The following ASTN2 variants were observed in gnomAD, a reference collection of about 807,000 sequenced individuals.
The protein encoded by ASTN2 is astrotactin 2, also known as astrotactin-2.
In ASTN2, 54 loss-of-function variants were observed where a neutral mutation model predicts 139.8. The ratio of observed to expected loss-of-function variants is 0.39; its 90% CI spans 0.31 to 0.48. The LOEUF (loss-of-function observed/expected upper bound fraction) is 0.48, where lower values mean the gene tolerates loss of function less well. Ranked by LOEUF, ASTN2 falls within the 20% of genes least tolerant of loss-of-function variation. The probability of loss-of-function intolerance (pLI) is 0.95; values close to 1 mark genes in which losing one functional copy is unlikely to be tolerated. For synonymous variants in ASTN2, 756 were observed against 719.5 expected (o/e 1.05, Z -0.81); for missense variants, 1,565 against 1,725.1 (o/e 0.91, Z 1.64).
At chr9:116,984,733 G>T (rs1183396820) in intron 7 of ASTN2, among the ~76,000 whole-genome samples, 1 of 152,136 alleles carries the variant, frequency 6.6e-6, no homozygotes, top group Non-Finnish European at 1.5e-5. Context: ...ATGTCATCAG[G>T]GGATACATTT....
chr9:116,674,551 C>T (rs1162746521), intron 16 of ASTN2, among the ~76,000 whole-genome samples: 7 of 152,204 alleles, frequency 4.6e-5, no homozygotes, highest in African/African-American at 1.7e-4. Context: ...ATAAACTTCC[C>T]CACATTCCCT....
chr9:116,933,731 T>C (rs1311694610), intron 10 of ASTN2, among the ~76,000 whole-genome samples: 1 of 151,906 alleles, frequency 6.6e-6, no homozygotes, highest in Non-Finnish European at 1.5e-5. Context: ...ATACCAATTA[T>C]GCTGGAACCC....
chr9:116,566,209 T>C (rs116272534), intron 19 of ASTN2, among the ~76,000 whole-genome samples: 409 of 152,338 alleles, frequency 2.7e-3, no homozygotes, highest in African/African-American at 9.6e-3. Context: ...GTATCTCATG[T>C]TGAATCAATG....
intron 13 of ASTN2, among the ~76,000 whole-genome samples, chr9:116,735,372 C>G (rs938357760): frequency 5.9e-5 from 9 of 152,216 alleles, no homozygotes; most frequent in Non-Finnish European, 1.5e-5. Context: ...GGAAGTACCA[C>G]CACATAGCAT....
At chr9:116,893,401 A>G (rs187964756) in intron 10 of ASTN2, among the ~76,000 whole-genome samples, 229 of 152,282 alleles carry the variant, frequency 1.5e-3, no homozygotes, top group African/African-American at 5.3e-3. Context: ...CCTGATGGGA[A>G]GCTCAGCAGG....
intron 19 of ASTN2, among the ~76,000 whole-genome samples, chr9:116,525,348 C>T (rs1289349864): frequency 6.6e-6 from 1 of 152,154 alleles, no homozygotes; most frequent in Admixed American, 6.5e-5. Flanking sequence ...AGATCATGCT[C>T]CTTCTTGGGG....
At chr9:116,991,482 C>T (rs1402763370) in intron 7 of ASTN2, among the ~76,000 whole-genome samples, 3 of 151,892 alleles carry the variant, frequency 2.0e-5, no homozygotes, top group Non-Finnish European at 4.4e-5. Flanking sequence ...TTCAATAATT[C>T]CCATATGTTG....
chr9:117,008,584 G>C lies in ASTN2; in HGVS notation c.1424-325C>G, dbSNP rs1047951194. On this transcript the variant is annotated intron_variant, in intron 6 of 22. Coordinates refer to ENST00000313400, the MANE Select transcript of ASTN2 (RefSeq NM_001365068.1). ...CCCCTGGGTCTTGGTTACTTCCTCT[G>C]TAAAGGAGAATATTAATGGAATGTA... Among the ~76,000 whole-genome samples the C allele has an allele frequency of 1.3e-4, 20 of 152,278 alleles. No individual in the cohort carries two copies. The South Asian group carries it at 2.5e-3, about 19-fold the overall frequency.
intron 13 of ASTN2, among the ~76,000 whole-genome samples, chr9:116,775,064 A>G (rs1830045356): frequency 6.6e-6 from 1 of 152,160 alleles, no homozygotes; most frequent in Non-Finnish European, 1.5e-5. Flanking sequence ...GACCATGAGC[A>G]GGTAATAGAA....
chr9:116,680,948 C>T (rs964597784), intron 16 of ASTN2, among the ~76,000 whole-genome samples: 1 of 152,190 alleles, frequency 6.6e-6, no homozygotes, highest in African/African-American at 2.4e-5. Flanking sequence ...GAAGCATTCC[C>T]TTTGAAAACT....
At chr9:116,818,713 C>T (rs1831404190) in intron 12 of ASTN2, among the ~76,000 whole-genome samples, 1 of 152,182 alleles carries the variant, frequency 6.6e-6, no homozygotes, top group South Asian at 2.1e-4. Context: ...TAATTCTGTG[C>T]AGGACATTGT....
At chr9:116,506,640 T>C (rs1587901034) in intron 19 of ASTN2, among the ~76,000 whole-genome samples, 1 of 152,080 alleles carries the variant, frequency 6.6e-6, no homozygotes, top group Admixed American at 6.5e-5. Context: ...AGAGAGAATG[T>C]GGGAGGAGGG....
chr9:116,952,948 CA>C, intron 10 of ASTN2, among the ~76,000 whole-genome samples: 1 of 152,282 alleles, frequency 6.6e-6, no homozygotes, highest in South Asian at 2.1e-4. Flanking sequence ...GACAGGGATC[CA>C]GGTGGCCCGT....
intron 11 of ASTN2, among the ~76,000 whole-genome samples, chr9:116,832,509 G>A (rs1020151758): frequency 4.0e-5 from 6 of 151,800 alleles, no homozygotes; most frequent in Non-Finnish European, 7.4e-5. Flanking sequence ...GATGTTCTTC[G>A]TCAAGTTGAG....
At chr9:117,196,027 C>T (rs1218674922) in intron 3 of ASTN2, among the ~76,000 whole-genome samples, 2 of 152,156 alleles carry the variant, frequency 1.3e-5, no homozygotes, top group African/African-American at 4.8e-5. Flanking sequence ...TCTCCCTAAG[C>T]TTTTAAGAGC....
At chr9:116,675,863 C>A (rs1039559650) in intron 16 of ASTN2, among the ~76,000 whole-genome samples, 1 of 152,156 alleles carries the variant, frequency 6.6e-6, no homozygotes, top group African/African-American at 2.4e-5. Flanking sequence ...GCCTTCCCAC[C>A]TGGAGTGGAT....
At chr9:117,180,231 T>C (rs1459329570) in intron 3 of ASTN2, among the ~76,000 whole-genome samples, 2 of 152,222 alleles carry the variant, frequency 1.3e-5, no homozygotes, top group African/African-American at 4.8e-5. Flanking sequence ...TTAAAAGTTT[T>C]CAGTGGCTCC....
At chr9:116,653,207 G>T (rs1396899714) in intron 16 of ASTN2, among the ~76,000 whole-genome samples, 2 of 152,148 alleles carry the variant, frequency 1.3e-5, no homozygotes, top group African/African-American at 4.8e-5. Context: ...TGAATGGCTA[G>T]AACTATATTC....
At chr9:117,081,753 C>A (rs1472876497) in intron 5 of ASTN2, among the ~76,000 whole-genome samples, 1 of 152,136 alleles carries the variant, frequency 6.6e-6, no homozygotes, top group African/African-American at 2.4e-5. Context: ...ATGTTGTGAA[C>A]CGCCTACAGG....
Sources: gnomAD v4.1 joint callset for allele counts (sites outside exome capture counted in the v4.1 genomes callset) on GRCh38, gnomAD v4.1.1 for gene constraint, MANE v1.5 for transcripts, NCBI Gene and HGNC (gene_info 2026-07-23, HGNC 2026-07-21) for gene names.